Variants in PLPPR1 observed in about 807,000 individuals in gnomAD.
The protein encoded by PLPPR1 is phospholipid phosphatase related 1.
PLPPR1 carries 10 observed loss-of-function variants against 33.1 expected under a neutral mutation model. The ratio of observed to expected loss-of-function variants is 0.30; its 90% CI spans 0.19 to 0.51. The LOEUF (loss-of-function observed/expected upper bound fraction) is 0.51. Ranked by LOEUF, PLPPR1 falls within the 20% of genes least tolerant of loss-of-function variation. The pLI is 0.97. For missense variants in PLPPR1, 304 were observed against 408.1 expected (o/e 0.74, Z 2.20); for synonymous variants, 151 against 151.0 (o/e 1.00, Z 0.00).
chr9:101,100,109 T>A (rs537025680), intron 1 of PLPPR1, among the ~76,000 whole-genome samples: 1 of 151,838 alleles, frequency 6.6e-6, no homozygotes, highest in Non-Finnish European at 1.5e-5. Context: ...ATTTTAGGCA[T>A]TTTTTTTCTT....
Position 101,180,161 on chromosome 9 carries a change from CAT to C in PLPPR1, c.-45-5287_-45-5286del, listed in dbSNP as rs1215842467. On this transcript the variant is annotated intron_variant, in intron 1 of 7. Coordinates refer to ENST00000374874, the MANE Select transcript of PLPPR1 (RefSeq NM_207299.2). Reference sequence around the variant, plus strand: ...ATATATATACACACACACACACACACATACACACACACACAGACACACACATA... The same window carrying C: ...ATATATATACACACACACACACACACACACACACACACAGACACACACATA... Among the ~76,000 whole-genome samples, 87 of 127,540 alleles carry C rather than the reference CAT, an allele frequency of 6.8e-4. No homozygotes were observed. In the East Asian group the frequency reaches 9.2e-3, roughly 13 times the overall value. 83.7% of individuals were successfully genotyped at this position (127,540 alleles called of 152,430 possible).
chr9:101,317,043 G>T (rs1221186550), intron 6 of PLPPR1, among the ~76,000 whole-genome samples: 1 of 152,054 alleles, frequency 6.6e-6, no homozygotes, highest in Non-Finnish European at 1.5e-5. Flanking sequence ...ACACATAGTG[G>T]CCCTCAATAA....
At chr9:101,063,173 A>C (rs1260848688) in intron 1 of PLPPR1, among the ~76,000 whole-genome samples, 1 of 152,096 alleles carries the variant, frequency 6.6e-6, no homozygotes. Context: ...TGCACGAGGC[A>C]CTTCCTTGAA....
chr9:101,294,108 G>A (rs986203674), intron 4 of PLPPR1, among the ~76,000 whole-genome samples: 9 of 152,206 alleles, frequency 5.9e-5, no homozygotes, highest in African/African-American at 1.4e-4. Flanking sequence ...AATAAAAAAT[G>A]ATAAAGGGGA....
intron 1 of PLPPR1, among the ~76,000 whole-genome samples, chr9:101,159,963 T>C (rs1450832929): frequency 6.6e-6 from 1 of 152,150 alleles, no homozygotes; most frequent in East Asian, 1.9e-4. Flanking sequence ...TTTTGTGACA[T>C]GATGGTGCTA....
chr9:101,281,104 A>G (rs1828291529), intron 3 of PLPPR1, among the ~76,000 whole-genome samples: 2 of 150,748 alleles, frequency 1.3e-5, no homozygotes, highest in Non-Finnish European at 3.0e-5. Context: ...AAACAAAAAA[A>G]TGGTAGCATT....
intron 1 of PLPPR1, among the ~76,000 whole-genome samples, chr9:101,144,138 C>T (rs1012408685): frequency 6.6e-6 from 1 of 152,042 alleles, no homozygotes; most frequent in Non-Finnish European, 1.5e-5. Flanking sequence ...AAGCTGGAAA[C>T]CATTATTCTC....
In PLPPR1 at chr9:101,049,826, T is replaced by TA. The variant is rs111630255; in HGVS notation, c.-46+20736dup. ...GATCTTCTTAATAAGAGCCTTGATTTAAAAAAAAAAAAGTATAGGCCATGC... is the reference window on the plus strand; with the variant it reads ...GATCTTCTTAATAAGAGCCTTGATTTAAAAAAAAAAAAAGTATAGGCCATGC... On this transcript the variant is annotated intron_variant, in intron 1 of 7. Transcript: ENST00000374874. 7.4e-3 allele frequency among the ~76,000 whole-genome samples: 1,070 copies of TA among 145,528 alleles called. 2 individuals carry two copies. The highest frequency in any genetic ancestry group is 0.012 in the Non-Finnish European group (784 of 65,854).
intron 2 of PLPPR1, among the ~76,000 whole-genome samples, chr9:101,266,938 G>GATGTC (rs1828009450): frequency 3.3e-5 from 5 of 152,142 alleles, no homozygotes; most frequent in Admixed American, 2.0e-4. Context: ...GAGGAAGCTA[G>GATGTC]ATGTCATTTT....
chr9:101,229,947 C>CTGTT (rs1230733213), intron 2 of PLPPR1, among the ~76,000 whole-genome samples: 1 of 152,220 alleles, frequency 6.6e-6, no homozygotes, highest in East Asian at 1.9e-4. Context: ...AGTTAACACT[C>CTGTT]TGTTTATAAA....
intron 4 of PLPPR1, among the ~76,000 whole-genome samples, chr9:101,302,139 A>G (rs927759801): frequency 1.3e-5 from 2 of 152,216 alleles, no homozygotes; most frequent in African/African-American, 2.4e-5. Flanking sequence ...CTGGATCTCA[A>G]TTTCCTCACC....
In PLPPR1 at chr9:101,168,651, T is replaced by C. The variant is rs372670236; in HGVS notation, c.-45-16799T>C. On this transcript the variant is annotated intron_variant, in intron 1 of 7. Transcript: ENST00000374874. ...CATTTGCATGACTCAAAGCCTAAGA[T>C]AAGGCCTTGAACCCAGAAGGTACTT... Among the ~76,000 whole-genome samples, 4 of 152,292 alleles carry C rather than the reference T, an allele frequency of 2.6e-5. No homozygotes were observed. In the South Asian group the frequency reaches 8.3e-4, roughly 32 times the overall value.
intron 3 of PLPPR1, among the ~76,000 whole-genome samples, chr9:101,273,020 T>G (rs1298486634): frequency 1.3e-5 from 2 of 152,230 alleles, no homozygotes; most frequent in African/African-American, 4.8e-5. Context: ...AATACCAGAC[T>G]GGTTTAATAC....
At chr9:101,284,014 G>T (rs1354716352) in intron 3 of PLPPR1, among the ~76,000 whole-genome samples, 2 of 152,142 alleles carry the variant, frequency 1.3e-5, no homozygotes, top group Non-Finnish European at 2.9e-5. Context: ...GGGAACACTT[G>T]CACATTGCTG....
At chr9:101,097,678 G>T (rs1830837580) in intron 1 of PLPPR1, among the ~76,000 whole-genome samples, 1 of 152,104 alleles carries the variant, frequency 6.6e-6, no homozygotes, top group South Asian at 2.1e-4. Flanking sequence ...GCAGCAACGA[G>T]TGTCCAAGGA....
chr9:101,278,196 C>T (rs1828231875), intron 3 of PLPPR1, among the ~76,000 whole-genome samples: 1 of 152,212 alleles, frequency 6.6e-6, no homozygotes, highest in African/African-American at 2.4e-5. Flanking sequence ...ATACATCTTT[C>T]AGTGACTAGT....
intron 6 of PLPPR1, 52 bp from the exon 7 acceptor site, chr9:101,317,313 G>A (rs959459893): frequency 1.3e-6 from 2 of 1,576,108 alleles, no homozygotes; most frequent in Admixed American, 3.6e-5. Flanking sequence ...ACAGATGCCA[G>A]GCATTGATGG....
In PLPPR1 at chr9:101,324,279, C is replaced by G. The variant is rs1011442612; in HGVS notation, c.*222C>G. The G allele has an allele frequency of 2.4e-6, 1 of 408,690 alleles. No individual in the cohort carries two copies. The highest frequency in any genetic ancestry group is 4.3e-6 in the Non-Finnish European group (1 of 233,750). The allele number at this position is 408,690 out of a possible 1,614,324, so 25.3% of individuals were successfully genotyped here. On this transcript the variant is annotated 3_prime_UTR_variant, in exon 8 of 8. Transcript: ENST00000374874. ...ATATATTTATGCCAGAATTTTAAAACCAACAAAATTTTCTTGTTCAAGCGT... is the reference window on the plus strand; with the variant it reads ...ATATATTTATGCCAGAATTTTAAAAGCAACAAAATTTTCTTGTTCAAGCGT...
chr9:101,242,418 T>G (rs1169624024), intron 2 of PLPPR1, among the ~76,000 whole-genome samples: 1 of 152,028 alleles, frequency 6.6e-6, no homozygotes, highest in Non-Finnish European at 1.5e-5. Context: ...CTTTGTGTTT[T>G]ATTAGAATAA....
Sources: gnomAD v4.1 joint callset for allele counts (sites outside exome capture counted in the v4.1 genomes callset) on GRCh38, gnomAD v4.1.1 for gene constraint, MANE v1.5 for transcripts, NCBI Gene and HGNC (gene_info 2026-07-23, HGNC 2026-07-21) for gene names.